Variants in ELP4 observed in about 807,000 individuals in gnomAD.
ELP4 encodes elongator complex protein 4.
Under a neutral mutation model 48.9 loss-of-function variants are expected in ELP4, and 51 were observed. The observed-to-expected ratio is 1.04, with a 90% CI of 0.83 to 1.32. ELP4 has a LOEUF of 1.32. Among genes scored for constraint, ELP4 ranks in the 40% most tolerant of loss-of-function variants. The pLI is 0.00. For missense variants in ELP4, 519 were observed against 514.6 expected, an observed-to-expected ratio of 1.01 and a Z score of -0.08; for synonymous variants, 210 against 189.2, an observed-to-expected ratio of 1.11 and a Z score of -0.90.
At chr11:31,589,616 G>A (rs1957536180) in intron 3 of ELP4, among the ~76,000 whole-genome samples, 1 of 152,218 alleles carries the variant, frequency 6.6e-6, no homozygotes, top group Non-Finnish European at 1.5e-5. Flanking sequence ...CTGGGCAATA[G>A]CATAGATATA....
At chr11:31,763,332 CT>C in intron 9 of ELP4, 5 of 1,275,720 alleles carry the variant, frequency 3.9e-6, no homozygotes, top group East Asian at 2.5e-5. Flanking sequence ...GAGATGTTAG[CT>C]TTTTCCCCCT....
chr11:31,661,201 TCAAA>T (rs1249755670), intron 9 of ELP4, among the ~76,000 whole-genome samples: 1 of 152,032 alleles, frequency 6.6e-6, no homozygotes, highest in Non-Finnish European at 1.5e-5. Flanking sequence ...CTAGTCAATG[TCAAA>T]CAATACCTTC....
chr11:31,546,065 A>T (rs1180516077), intron 3 of ELP4, among the ~76,000 whole-genome samples: 1 of 152,170 alleles, frequency 6.6e-6, no homozygotes, highest in Non-Finnish European at 1.5e-5. Context: ...ACTAGGAAGA[A>T]ACTGCATCAA....
chr11:31,701,512 G>A (rs1363583757), intron 9 of ELP4, among the ~76,000 whole-genome samples: 1 of 151,388 alleles, frequency 6.6e-6, no homozygotes, highest in African/African-American at 2.4e-5. Context: ...TTTATCTTGG[G>A]GCACAGATAT....
chr11:31,746,632 G>A (rs996080887), intron 9 of ELP4, among the ~76,000 whole-genome samples: 3 of 151,960 alleles, frequency 2.0e-5, no homozygotes, highest in East Asian at 1.9e-4. Flanking sequence ...GCAAACTATC[G>A]CAAGGACAAA....
intron 2 of ELP4, among the ~76,000 whole-genome samples, chr11:31,525,228 A>G (rs1474654753): frequency 1.1e-4 from 17 of 152,148 alleles, no homozygotes; most frequent in Admixed American, 1.0e-3. Context: ...TTGTGTTACT[A>G]TATTTGATAT....
chr11:31,543,311 G>T (rs1956623469), intron 3 of ELP4, among the ~76,000 whole-genome samples: 1 of 151,986 alleles, frequency 6.6e-6, no homozygotes, highest in Admixed American at 6.6e-5. Flanking sequence ...TGTTGTTGTT[G>T]TTGTTTGTTT....
rs190742894 is a variant in ELP4 at position 31,618,027 on chromosome 11, A to G, written c.654-9083A>G. On this transcript the variant is annotated intron_variant, in intron 5 of 9. Coordinates refer to ENST00000640961, the MANE Select transcript of ELP4 (RefSeq NM_019040.5). The stretch of plus-strand genomic sequence containing the variant: ...TACATTTATGTACAAAAACCTGTAC[A>G]TAAATGTTCATAACAGCATTATTCA... Among the ~76,000 whole-genome samples, 100 of 152,224 alleles carry G rather than the reference A, an allele frequency of 6.6e-4. No homozygotes were observed. The East Asian group carries it at 0.012, about 19-fold the overall frequency.
intron 2 of ELP4, among the ~76,000 whole-genome samples, chr11:31,522,640 A>T (rs942710762): frequency 2.0e-5 from 3 of 152,210 alleles, no homozygotes; most frequent in Non-Finnish European, 4.4e-5. Context: ...ATATGTAAAT[A>T]TTCTAGAATA....
At chr11:31,603,655 T>G (rs1957820725) in intron 4 of ELP4, 113 bp from the exon 5 acceptor site, 2 of 1,100,512 alleles carry the variant, frequency 1.8e-6, no homozygotes, top group South Asian at 3.3e-5. Flanking sequence ...ATATCCGTTC[T>G]TCCTTATTAG....
In ELP4 at chr11:31,783,467, G is replaced by A; in HGVS notation, c.1218G>A (p.Lys406=). Residue 406 remains lysine, a synonymous_variant, in exon 10 of 10, where the codon AAG becomes AAA. Transcript: ENST00000640961. ...SSKMDLAESA[K]RLGPGCGMMA... ...AAATGGATCTGGCAGAATCCGCCAA[G>A]CGGCTGGGCCCAGGCTGTGGCATGA... 3 of 1,614,182 alleles carry A rather than the reference G, an allele frequency of 1.9e-6. No homozygotes were observed. The highest frequency in any genetic ancestry group is 2.5e-6 in the Non-Finnish European group (3 of 1,180,002).
At chr11:31,734,572 C>A (rs1427125753) in intron 9 of ELP4, among the ~76,000 whole-genome samples, 1 of 152,054 alleles carries the variant, frequency 6.6e-6, no homozygotes, top group Admixed American at 6.5e-5. Flanking sequence ...TAGCACTAAA[C>A]AGTCAAAAGG....
intron 9 of ELP4, among the ~76,000 whole-genome samples, chr11:31,673,273 C>T (rs190625726): frequency 2.0e-5 from 3 of 152,056 alleles, no homozygotes; most frequent in South Asian, 4.2e-4. Flanking sequence ...TGCCTGTAAT[C>T]CCAAAGTGCT....
chr11:31,638,853 G>A (rs1489497537), intron 7 of ELP4, among the ~76,000 whole-genome samples: 2 of 151,784 alleles, frequency 1.3e-5, no homozygotes, highest in African/African-American at 4.8e-5. Flanking sequence ...GACTCCAATG[G>A]CCTTGTGAAT....
intron 9 of ELP4, among the ~76,000 whole-genome samples, chr11:31,735,220 A>G (rs1020202498): frequency 9.9e-5 from 15 of 152,050 alleles, no homozygotes; most frequent in African/African-American, 2.4e-5. Context: ...ACCATATAGA[A>G]AAATAAACTC....
At chr11:31,571,287 T>TC (rs1320945057) in intron 3 of ELP4, among the ~76,000 whole-genome samples, 1 of 152,214 alleles carries the variant, frequency 6.6e-6, no homozygotes, top group Non-Finnish European at 1.5e-5. Context: ...AGGAGTAGAA[T>TC]CCATCTCAAA....
At chr11:31,545,480 T>A (rs1956686484) in intron 3 of ELP4, among the ~76,000 whole-genome samples, 1 of 152,018 alleles carries the variant, frequency 6.6e-6, no homozygotes, top group African/African-American at 2.4e-5. Context: ...AATATGGGAC[T>A]ATGTGAAAAG....
chr11:31,686,048 T>C (rs1390671598), intron 9 of ELP4, among the ~76,000 whole-genome samples: 1 of 152,180 alleles, frequency 6.6e-6, no homozygotes, highest in Non-Finnish European at 1.5e-5. Flanking sequence ...ACACAACTTC[T>C]CTATAGTCTG....
At chr11:31,715,711 T>A (rs1322773037) in intron 9 of ELP4, among the ~76,000 whole-genome samples, 2 of 152,198 alleles carry the variant, frequency 1.3e-5, no homozygotes, top group Admixed American at 1.3e-4. Context: ...CAGCTTTAGG[T>A]TAGAATCCTT....
Sources: allele counts gnomAD v4.1 joint callset (sites outside exome capture counted in the v4.1 genomes callset), GRCh38; gene constraint gnomAD v4.1.1; transcripts MANE v1.5; gene names NCBI Gene and HGNC (gene_info 2026-07-23, HGNC 2026-07-21).